CSMD1: variants seen among roughly 807,000 people sequenced by gnomAD.
The protein encoded by CSMD1 is CUB and Sushi multiple domains 1.
A neutral mutation model predicts 417.5 loss-of-function variants in CSMD1; 213 were observed. That is an observed-to-expected ratio of 0.51 (90% CI 0.46 to 0.57). The LOEUF (loss-of-function observed/expected upper bound fraction) is 0.57, where lower values mean the gene tolerates loss of function less well. Among genes scored for constraint, CSMD1 ranks in the 20% least tolerant of loss-of-function variants. The pLI is 0.00. For missense variants in CSMD1, 6,923 were observed against 4,529.7 expected, an observed-to-expected ratio of 1.53 and a Z score of -15.17; for synonymous variants, 2,862 against 1,736.8, an observed-to-expected ratio of 1.65 and a Z score of -16.11.
chr8:4,273,816 G>C (rs993128807), intron 3 of CSMD1, among the ~76,000 whole-genome samples: 1 of 152,140 alleles, frequency 6.6e-6, no homozygotes, highest in South Asian at 2.1e-4. Context: ...ACCTGTACTG[G>C]TCACTTCTCC....
chr8:4,590,170 TG>T (rs1190913179), intron 2 of CSMD1, among the ~76,000 whole-genome samples: 1 of 150,688 alleles, frequency 6.6e-6, no homozygotes, highest in African/African-American at 2.5e-5. Flanking sequence ...TTCTTTATGC[TG>T]TTTTTTTTTT....
In CSMD1 at chr8:4,994,459, C is replaced by G; in HGVS notation, c.-43G>C. On this transcript the variant is annotated 5_prime_UTR_variant, in exon 1 of 70. Coordinates refer to ENST00000635120, the MANE Select transcript of CSMD1 (RefSeq NM_033225.6). ...ACGCACGCGACACCGATGGCTCCTC[C>G]GAGGAAGGCAGGGCTATGAGCGGAG... The G allele has an allele frequency of 5.1e-6, 8 of 1,555,054 alleles. No homozygotes were observed. The highest frequency in any genetic ancestry group is 7.1e-6 in the Non-Finnish European group (8 of 1,133,084).
intron 1 of CSMD1, among the ~76,000 whole-genome samples, chr8:4,969,571 C>A (rs143974539): frequency 6.6e-6 from 1 of 151,732 alleles, no homozygotes; most frequent in African/African-American, 2.4e-5. Context: ...CACAACAGCT[C>A]AGTTCTATTT....
intron 19 of CSMD1, among the ~76,000 whole-genome samples, chr8:3,368,488 C>G (rs1809746433): frequency 6.6e-6 from 1 of 152,114 alleles, no homozygotes; most frequent in South Asian, 2.1e-4. Context: ...AGGCATGCAC[C>G]ACGATGCCTG....
chr8:4,177,260 C>G (rs1181480694), intron 3 of CSMD1, among the ~76,000 whole-genome samples: 2 of 152,104 alleles, frequency 1.3e-5, no homozygotes, highest in African/African-American at 2.4e-5. Flanking sequence ...CAAGCTAGAA[C>G]TCAGGATTAA....
rs558752702 is a variant in CSMD1 at position 2,935,853 on chromosome 8, C to T, written c.*2732G>A. 1 of 152,250 alleles carries T rather than the reference C, an allele frequency of 6.6e-6. No homozygotes were observed. Among genetic ancestry groups the T allele is most frequent in the East Asian group, 1.9e-4 (1 of 5,188 alleles). 9.4% of individuals were successfully genotyped at this position (152,250 alleles called of 1,614,324 possible). On this transcript the variant is annotated 3_prime_UTR_variant, in exon 70 of 70. Transcript: ENST00000635120. ...ATTTTACAGAAGAAAAAAATTATTG[C>T]AGCTAGCCTGAAAAAAGGCAAGATG...
At chr8:3,657,456 C>G (rs1019313141) in intron 7 of CSMD1, among the ~76,000 whole-genome samples, 2 of 152,150 alleles carry the variant, frequency 1.3e-5, no homozygotes, top group Non-Finnish European at 2.9e-5. Flanking sequence ...AAATGCCCAT[C>G]AATGATAGAC....
intron 12 of CSMD1, among the ~76,000 whole-genome samples, chr8:3,417,838 G>A (rs1227489565): frequency 1.3e-5 from 2 of 151,992 alleles, no homozygotes; most frequent in Non-Finnish European, 2.9e-5. Context: ...CTGTTTTTTG[G>A]AGACAGTGTG....
chr8:3,729,427 G>C (rs777094214), intron 6 of CSMD1, among the ~76,000 whole-genome samples: 1 of 152,174 alleles, frequency 6.6e-6, no homozygotes, highest in Admixed American at 6.5e-5. Context: ...CATGTTAAAA[G>C]AGGGATATAA....
At chr8:4,621,936 C>G (rs1475091607) in intron 2 of CSMD1, among the ~76,000 whole-genome samples, 1 of 151,862 alleles carries the variant, frequency 6.6e-6, no homozygotes, top group African/African-American at 2.4e-5. Flanking sequence ...AAAATACTAC[C>G]ATTTTAATTG....
At chr8:4,072,045 G>C (rs1450674467) in intron 3 of CSMD1, among the ~76,000 whole-genome samples, 3 of 152,148 alleles carry the variant, frequency 2.0e-5, no homozygotes, top group Admixed American at 6.5e-5. Flanking sequence ...TGGATGTTAG[G>C]ATAGAGTTTT....
intron 5 of CSMD1, among the ~76,000 whole-genome samples, chr8:3,890,267 G>T (rs957450982): frequency 2.6e-5 from 4 of 152,136 alleles, no homozygotes; most frequent in Non-Finnish European, 4.4e-5. Context: ...AGAAACATCA[G>T]ATATTTTGCT....
At chr8:3,548,700 A>ACACACACACC (rs1161842585) in intron 10 of CSMD1, among the ~76,000 whole-genome samples, 1 of 142,344 alleles carries the variant, frequency 7.0e-6, no homozygotes, top group African/African-American at 2.6e-5. Flanking sequence ...ACACACACAC[A>ACACACACACC]CCATGGTTTC....
At chr8:4,384,519 T>G (rs978284951) in intron 3 of CSMD1, among the ~76,000 whole-genome samples, 4 of 152,244 alleles carry the variant, frequency 2.6e-5, no homozygotes, top group African/African-American at 9.6e-5. Flanking sequence ...CTGTGACAAA[T>G]ACTTTATTCA....
chr8:3,315,969 A>G (rs1339851902), intron 23 of CSMD1, among the ~76,000 whole-genome samples: 2 of 152,178 alleles, frequency 1.3e-5, no homozygotes, highest in Non-Finnish European at 2.9e-5. Flanking sequence ...AATAGTTAAT[A>G]TCAATTCTGA....
rs1189442356 is a variant in CSMD1 at position 3,879,308 on chromosome 8, C to A, written c.818+118595G>T. Among the ~76,000 whole-genome samples, 26 of 151,254 alleles carry A rather than the reference C, an allele frequency of 1.7e-4. 1 individual carries two copies. Among genetic ancestry groups the A allele is most frequent in the Non-Finnish European group, 2.9e-5 (2 of 67,976 alleles). On this transcript the variant is annotated intron_variant, in intron 5 of 69. Coordinates refer to ENST00000635120, the MANE Select transcript of CSMD1 (RefSeq NM_033225.6). ...ATATCAAATGTATGTCAAAAATGTCCTGCAGCCAAATCTAAATCATTACAA... is the reference window on the plus strand; with the variant it reads ...ATATCAAATGTATGTCAAAAATGTCATGCAGCCAAATCTAAATCATTACAA...
At chr8:4,057,951 T>C (rs1002485361) in intron 3 of CSMD1, among the ~76,000 whole-genome samples, 1 of 150,890 alleles carries the variant, frequency 6.6e-6, no homozygotes, top group African/African-American at 2.4e-5. Context: ...GTAGCATAGT[T>C]TGAAGTCAGG....
chr8:4,626,472 G>A (rs1802120544), intron 2 of CSMD1, among the ~76,000 whole-genome samples: 1 of 152,108 alleles, frequency 6.6e-6, no homozygotes, highest in Non-Finnish European at 1.5e-5. Flanking sequence ...TGAGATGGGT[G>A]CAACATTTGA....
intron 9 of CSMD1, among the ~76,000 whole-genome samples, chr8:3,579,912 T>C (rs1230757764): frequency 6.6e-6 from 1 of 152,108 alleles, no homozygotes; most frequent in African/African-American, 2.4e-5. Context: ...GAGACCAGCA[T>C]GGCCAACATG....
Sources: allele counts gnomAD v4.1 joint callset (sites outside exome capture counted in the v4.1 genomes callset), GRCh38; gene constraint gnomAD v4.1.1; transcripts MANE v1.5; gene names NCBI Gene and HGNC (gene_info 2026-07-23, HGNC 2026-07-21).